SLC30A7: variants seen among roughly 807,000 people sequenced by gnomAD.
SLC30A7 encodes solute carrier family 30 member 7, also known as zinc transporter 7.
A neutral mutation model predicts 46.0 loss-of-function variants in SLC30A7; 35 were observed. That is an observed-to-expected ratio of 0.76 (90% CI 0.58 to 1.01). The LOEUF is 1.01. Ranked by LOEUF, SLC30A7 falls within the 50% of genes least tolerant of loss-of-function variation. The pLI is 0.00. For missense variants in SLC30A7, 464 were observed against 451.1 expected, an observed-to-expected ratio of 1.03 and a Z score of -0.26; for synonymous variants, 147 against 157.8, an observed-to-expected ratio of 0.93 and a Z score of 0.51.
chr1:100,970,318 A>G (rs990741351), intron 10 of SLC30A7, among the ~76,000 whole-genome samples: 2 of 152,126 alleles, frequency 1.3e-5, no homozygotes, highest in African/African-American at 4.8e-5. Context: ...GAGAAGACCA[A>G]TATCTAAAAG....
intron 2 of SLC30A7, 85 bp from the exon 3 acceptor site, chr1:100,906,767 C>G: frequency 1.1e-6 from 1 of 880,574 alleles, no homozygotes; most frequent in Non-Finnish European, 1.9e-6. Context: ...TCCTGATGAA[C>G]AAAGGCTGAA....
intron 6 of SLC30A7, among the ~76,000 whole-genome samples, chr1:100,915,193 T>TTTTCTTTCTC (rs1652425149): frequency 1.1e-5 from 1 of 90,788 alleles, no homozygotes; most frequent in African/African-American, 4.6e-5. Flanking sequence ...CTTTTCTTTC[T>TTTTCTTTCTC]TTTCTTTCTT....
intron 8 of SLC30A7, among the ~76,000 whole-genome samples, chr1:100,933,543 T>A (rs1207708349): frequency 6.6e-6 from 1 of 152,120 alleles, no homozygotes; most frequent in Non-Finnish European, 1.5e-5. Context: ...ATTAGGTATA[T>A]CTCCTAATGC....
Position 100,944,531 on chromosome 1 carries a change from G to A in SLC30A7, c.843-17297G>A, listed in dbSNP as rs532124882. Among the ~76,000 whole-genome samples the A allele has an allele frequency of 6.6e-5, 10 of 151,954 alleles. No individual in the cohort carries two copies. In the East Asian group the frequency reaches 1.9e-3, roughly 29 times the overall value. On this transcript the variant is annotated intron_variant, in intron 8 of 10. Transcript: ENST00000357650. Reference sequence around the variant, plus strand: ...TATTTTTTATTTTGTTATACTTTAAGTTCTAGGGTACATGTGCACAATTTG... The same window carrying A: ...TATTTTTTATTTTGTTATACTTTAAATTCTAGGGTACATGTGCACAATTTG...
At chr1:100,942,353 G>A (rs1053160442) in intron 8 of SLC30A7, among the ~76,000 whole-genome samples, 4 of 152,044 alleles carry the variant, frequency 2.6e-5, no homozygotes, top group Admixed American at 2.6e-4. Flanking sequence ...AAATATAAAA[G>A]AACATATCTG....
At chr1:100,898,543 C>T (rs1412350635) in intron 2 of SLC30A7, among the ~76,000 whole-genome samples, 3 of 152,118 alleles carry the variant, frequency 2.0e-5, no homozygotes, top group Admixed American at 6.5e-5. Flanking sequence ...TCATTTAGCA[C>T]GTATCCGTCA....
downstream of SLC30A7, among the ~76,000 whole-genome samples, chr1:100,982,261 G>T (rs1656983748): frequency 6.6e-6 from 1 of 152,092 alleles, no homozygotes; most frequent in Admixed American, 6.6e-5. Flanking sequence ...ATACTTCAAG[G>T]CTTTATCCTC....
At chr1:100,938,777 C>G (rs1270659269) in intron 8 of SLC30A7, among the ~76,000 whole-genome samples, 1 of 152,166 alleles carries the variant, frequency 6.6e-6, no homozygotes, top group African/African-American at 2.4e-5. Context: ...AGGGAGAGCT[C>G]CAGTCTATCT....
intron 8 of SLC30A7, among the ~76,000 whole-genome samples, chr1:100,927,007 G>T (rs1355045599): frequency 6.6e-6 from 1 of 152,162 alleles, no homozygotes; most frequent in Non-Finnish European, 1.5e-5. Flanking sequence ...GGAACTTCAA[G>T]TATAAACACA....
intron 3 of SLC30A7, among the ~76,000 whole-genome samples, chr1:100,909,436 A>G (rs778726145): frequency 2.0e-5 from 3 of 152,174 alleles, no homozygotes; most frequent in Non-Finnish European, 4.4e-5. Flanking sequence ...ACATACATAC[A>G]TGCGTATATA....
intron 2 of SLC30A7, 114 bp downstream of exon 2, chr1:100,896,785 C>A: frequency 1.2e-6 from 1 of 842,538 alleles, no homozygotes; most frequent in Non-Finnish European, 2.0e-6. Flanking sequence ...CCTTTGTTAC[C>A]TACCTCTGCT....
At chr1:100,974,696 C>G in intron 10 of SLC30A7, 114 bp from the exon 11 acceptor site, 1 of 681,916 alleles carries the variant, frequency 1.5e-6, no homozygotes, top group Non-Finnish European at 2.2e-6. Context: ...TGAAATGATT[C>G]TTTTCTTTTT....
chr1:100,959,950 A>ACAAT, intron 8 of SLC30A7, among the ~76,000 whole-genome samples: 1 of 152,356 alleles, frequency 6.6e-6, no homozygotes, highest in Admixed American at 6.5e-5. Flanking sequence ...CATGCATAGT[A>ACAAT]CAATGAAGGG....
chr1:100,911,990 A>AT (rs996826505), intron 4 of SLC30A7, 122 bp from the exon 5 acceptor site: 101 of 834,502 alleles, frequency 1.2e-4, no homozygotes, highest in Non-Finnish European at 1.5e-4. Flanking sequence ...GTTTTGGGAG[A>AT]TTTTTTTTAG....
At chr1:100,995,000 A>T in the SLC30A7 span, 2 of 732,596 alleles carry the variant, frequency 2.7e-6, no homozygotes, top group African/African-American at 1.8e-5. Flanking sequence ...TCACACTGTT[A>T]ATGAGAGCTC....
intron 8 of SLC30A7, among the ~76,000 whole-genome samples, chr1:100,936,369 T>A (rs928603231): frequency 6.6e-6 from 1 of 152,154 alleles, no homozygotes; most frequent in African/African-American, 2.4e-5. Context: ...CCCAAGGGTA[T>A]TTTTTTGTGA....
downstream of SLC30A7, among the ~76,000 whole-genome samples, chr1:100,984,839 T>C (rs1439492578): frequency 6.6e-6 from 1 of 152,174 alleles, no homozygotes; most frequent in East Asian, 1.9e-4. Context: ...CTTAGAATTA[T>C]CTAACAAAGA....
intron 8 of SLC30A7, among the ~76,000 whole-genome samples, chr1:100,961,121 AT>A (rs796193858): frequency 2.0e-3 from 280 of 141,344 alleles, no homozygotes; most frequent in Admixed American, 2.0e-3. Flanking sequence ...TGCCCGGCTG[AT>A]TTTTTTTTTT....
At chr1:100,995,572 G>T in the SLC30A7 span, 1 of 157,616 alleles carries the variant, frequency 6.3e-6, no homozygotes, top group South Asian at 1.9e-4. Flanking sequence ...GCTTTCTGAC[G>T]AATGTTAACA....
Sources: allele counts gnomAD v4.1 joint callset (sites outside exome capture counted in the v4.1 genomes callset), GRCh38; gene constraint gnomAD v4.1.1; transcripts MANE v1.5; gene names NCBI Gene and HGNC (gene_info 2026-07-23, HGNC 2026-07-21).